DYM: variants seen among roughly 807,000 people sequenced by gnomAD.
DYM encodes dymeclin.
A neutral mutation model predicts 93.1 loss-of-function variants in DYM; 78 were observed. The observed-to-expected ratio is 0.84, with a 90% confidence interval of 0.70 to 1.01. DYM has a LOEUF of 1.01. Ranked by LOEUF, DYM falls within the 50% of genes least tolerant of loss-of-function variation. DYM has a pLI of 0.00. For missense variants in DYM, 789 were observed against 845.0 expected (o/e 0.93, Z 0.82); for synonymous variants, 321 against 319.7 (o/e 1.00, Z -0.04).
At chr18:49,208,145 T>C (rs1244847403) in intron 14 of DYM, among the ~76,000 whole-genome samples, 1 of 131,602 alleles carries the variant, frequency 7.6e-6, no homozygotes, top group Non-Finnish European at 1.5e-5. Context: ...ATTGAGTCAC[T>C]GCAGCCTAGC....
intron 14 of DYM, among the ~76,000 whole-genome samples, chr18:49,175,909 T>A (rs1298240364): frequency 6.6e-6 from 1 of 152,146 alleles, no homozygotes; most frequent in Non-Finnish European, 1.5e-5. Flanking sequence ...CACCCTGCAT[T>A]GTAACTGGAG....
intron 16 of DYM, among the ~76,000 whole-genome samples, chr18:49,098,249 T>C (rs1018210011): frequency 2.6e-5 from 4 of 152,364 alleles, no homozygotes; most frequent in East Asian, 1.9e-4. Context: ...TAGGTGTTTA[T>C]AGTCAGACAT....
chr18:49,123,116 A>AT (rs1272371481), intron 15 of DYM, among the ~76,000 whole-genome samples: 1 of 152,122 alleles, frequency 6.6e-6, no homozygotes, highest in Non-Finnish European at 1.5e-5. Flanking sequence ...TACTCAAAGT[A>AT]TTTTCAAAAT....
intron 15 of DYM, among the ~76,000 whole-genome samples, chr18:49,156,465 C>T (rs2086450924): frequency 6.6e-6 from 1 of 151,960 alleles, no homozygotes; most frequent in African/African-American, 2.4e-5. Context: ...GGCGTGGTGG[C>T]TCACGCCTGT....
At chr18:49,410,788 T>A (rs971741345) in intron 2 of DYM, among the ~76,000 whole-genome samples, 1 of 151,990 alleles carries the variant, frequency 6.6e-6, no homozygotes, top group Non-Finnish European at 1.5e-5. Flanking sequence ...AAATTAAAAT[T>A]AAAATTAAAA....
intron 5 of DYM, among the ~76,000 whole-genome samples, chr18:49,366,255 A>G (rs561502473): frequency 1.1e-4 from 17 of 152,330 alleles, no homozygotes; most frequent in Middle Eastern, 6.8e-3. Context: ...TAGCTTTCTT[A>G]TAAGGCCAAA....
intron 17 of DYM, among the ~76,000 whole-genome samples, chr18:49,083,373 A>G (rs927143059): frequency 1.3e-5 from 2 of 152,214 alleles, no homozygotes; most frequent in Non-Finnish European, 2.9e-5. Context: ...GTTATGGTGT[A>G]CAATCCTTTC....
At chr18:49,203,876 A>AAG in intron 14 of DYM, among the ~76,000 whole-genome samples, 1 of 130,094 alleles carries the variant, frequency 7.7e-6, no homozygotes, top group Admixed American at 7.4e-5. Context: ...AAAAGTAAAA[A>AAG]AAAAAAAAAA....
intron 17 of DYM, among the ~76,000 whole-genome samples, chr18:49,051,156 G>T (rs17774887): frequency 0.057 from 8,674 of 152,252 alleles, 322 homozygotes; most frequent in Middle Eastern, 0.088. Context: ...TGTGGCCAAC[G>T]TGGACACTAG....
intron 14 of DYM, among the ~76,000 whole-genome samples, chr18:49,182,698 C>A (rs972376821): frequency 1.3e-5 from 2 of 151,952 alleles, no homozygotes; most frequent in Non-Finnish European, 2.9e-5. Flanking sequence ...CATTTTTCTG[C>A]CTTCTTTTGG....
chr18:49,059,947 C>T (rs2075817081), intron 17 of DYM, among the ~76,000 whole-genome samples: 1 of 152,076 alleles, frequency 6.6e-6, no homozygotes, highest in Non-Finnish European at 1.5e-5. Flanking sequence ...ACATTTTACC[C>T]TGCTTTAAGA....
At chr18:49,280,770 C>G (rs1352306654) in intron 10 of DYM, among the ~76,000 whole-genome samples, 1 of 152,166 alleles carries the variant, frequency 6.6e-6, no homozygotes, top group African/African-American at 2.4e-5. Context: ...TAAATTTGCC[C>G]TCTTGGGAAA....
chr18:49,331,808 C>T (rs2063324150), intron 8 of DYM, 56 bp downstream of exon 8: 2 of 1,602,720 alleles, frequency 1.2e-6, no homozygotes, highest in Admixed American at 1.7e-5. Context: ...TTTCTTATGC[C>T]TAAATAGATA....
chr18:49,202,964 C>A (rs1224525939), intron 14 of DYM, among the ~76,000 whole-genome samples: 1 of 117,826 alleles, frequency 8.5e-6, no homozygotes, highest in Non-Finnish European at 1.8e-5. Context: ...AGGGGTCAGC[C>A]CCCCCGCCCG....
chr18:49,289,725 GTGTATATATATA>G (rs1286659450), intron 8 of DYM, among the ~76,000 whole-genome samples: 21 of 13,738 alleles, frequency 1.5e-3, no homozygotes, highest in African/African-American at 3.1e-3. Flanking sequence ...ATATATATAT[GTGTATATATATA>G]TATATATATA....
intron 17 of DYM, among the ~76,000 whole-genome samples, chr18:49,078,241 G>C (rs914784871): frequency 2.0e-5 from 3 of 152,078 alleles, no homozygotes; most frequent in Non-Finnish European, 2.9e-5. Context: ...AAATAACTTA[G>C]AGAATAACTG....
chr18:49,190,798 T>G (rs1024588689), intron 14 of DYM, among the ~76,000 whole-genome samples: 1 of 152,238 alleles, frequency 6.6e-6, no homozygotes, highest in East Asian at 1.9e-4. Context: ...TCGTCCTCCC[T>G]CCTCGGCCTA....
intron 16 of DYM, among the ~76,000 whole-genome samples, chr18:49,102,792 C>T (rs1487957597): frequency 6.6e-6 from 1 of 152,170 alleles, no homozygotes; most frequent in African/African-American, 2.4e-5. Flanking sequence ...ATATGTGCCA[C>T]ATTTTCTTAA....
chr18:49,051,409 A>T (rs2072424000), intron 17 of DYM, among the ~76,000 whole-genome samples: 1 of 152,154 alleles, frequency 6.6e-6, no homozygotes, highest in Non-Finnish European at 1.5e-5. Context: ...GCCTTGTGAA[A>T]AATGAAGGAC....
Sources: allele counts gnomAD v4.1 joint callset (sites outside exome capture counted in the v4.1 genomes callset), GRCh38; gene constraint gnomAD v4.1.1; transcripts MANE v1.5; gene names NCBI Gene and HGNC (gene_info 2026-07-23, HGNC 2026-07-21).